The following NIN variants were observed in gnomAD, a reference collection of about 807,000 sequenced individuals.
NIN encodes ninein.
In NIN, 137 loss-of-function variants were observed where a neutral mutation model predicts 257.6. The observed-to-expected ratio is 0.53, with a 90% confidence interval of 0.46 to 0.61. The LOEUF is 0.61. Ranked by LOEUF, NIN falls within the 20% of genes least tolerant of loss-of-function variation. The pLI, the probability that NIN is intolerant of heterozygous loss-of-function variation, is 0.00. For synonymous variants in NIN, 918 were observed against 919.8 expected, an observed-to-expected ratio of 1.00 and a Z score of 0.04; for missense variants, 2,439 against 2,501.2, an observed-to-expected ratio of 0.98 and a Z score of 0.53.
intron 5 of NIN, among the ~76,000 whole-genome samples, chr14:50,783,410 C>T (rs1160701701): frequency 6.6e-6 from 1 of 152,096 alleles, no homozygotes; most frequent in Non-Finnish European, 1.5e-5. Flanking sequence ...AGAATTCCCC[C>T]TAGGACCCTT....
intron 4 of NIN, among the ~76,000 whole-genome samples, chr14:50,798,657 T>C (rs1029713588): frequency 2.0e-5 from 3 of 152,252 alleles, no homozygotes; most frequent in Non-Finnish European, 2.9e-5. Context: ...TTTTACCTAA[T>C]TGAACCCTCC....
chr14:50,739,326 G>A lies in NIN; in HGVS notation c.5610C>T (p.Leu1870=), dbSNP rs1238784792. ...CAATTACCTTCTCCCGGGAGTGCGT[G>A]AGTTCGGCTTTGGTGTTCTGTACCA... is the stretch of plus-strand genomic sequence containing the variant. ...QTMVQNTKAE[L]THSREKVRQL... Residue 1870 remains leucine (L), a synonymous_variant, in exon 26 of 31, where the codon CTC becomes CTT. Transcript: ENST00000530997. The A allele has an allele frequency of 6.2e-6, 10 of 1,614,130 alleles. No homozygotes were observed. The highest frequency in any genetic ancestry group is 8.5e-6 in the Non-Finnish European group (10 of 1,179,998).
intron 4 of NIN, among the ~76,000 whole-genome samples, chr14:50,796,515 G>A (rs1284003155): frequency 6.6e-6 from 1 of 152,152 alleles, no homozygotes; most frequent in Non-Finnish European, 1.5e-5. Context: ...TTGCTCACAC[G>A]CCACATTTGT....
At chr14:50,727,313 T>C (rs1036226197) in intron 29 of NIN, 8 of 983,522 alleles carry the variant, frequency 8.1e-6, no homozygotes, top group Non-Finnish European at 9.8e-6. Flanking sequence ...ACAGTATAAA[T>C]ACCCCTGGTT....
rs2042198597 is a variant in NIN, at chr14:50,759,708, C to T, written c.2399+149G>A. 2.0e-5 allele frequency: 16 copies of T among 783,732 alleles called. No individual in the cohort carries two copies. In the South Asian group the frequency reaches 2.8e-4, roughly 14 times the overall value. 48.5% of individuals were successfully genotyped at this position (783,732 alleles called of 1,614,324 possible). A position where few individuals can be genotyped will look rare whatever the true frequency, so the allele number is the denominator to read the frequency against. On this transcript the variant is annotated intron_variant, in intron 17 of 30. Coordinates refer to ENST00000530997, the MANE Select transcript of NIN (RefSeq NM_020921.4). Reference sequence around the variant, plus strand: ...CGGGGTTTCACCATGTTAGCCAGGTCTCGATCTCCTGACCTCGTGATCCGC... The same window carrying T: ...CGGGGTTTCACCATGTTAGCCAGGTTTCGATCTCCTGACCTCGTGATCCGC...
At chr14:50,743,586 T>A in intron 23 of NIN, 57 bp from the exon 24 acceptor site, 1 of 958,562 alleles carries the variant, frequency 1.0e-6, no homozygotes, top group Non-Finnish European at 1.7e-6. Context: ...TAGCTAGCCT[T>A]AATTTATATG....
At chr14:50,744,663 G>C (rs1042409389) in intron 22 of NIN, among the ~76,000 whole-genome samples, 1 of 152,154 alleles carries the variant, frequency 6.6e-6, no homozygotes, top group Admixed American at 6.5e-5. Context: ...ATTGGGCTGT[G>C]GGGGTGGCTC....
At position 50,757,517 on chromosome 14, in the gene NIN, C is replaced by T. The variant is rs1420391662; in HGVS notation, c.3513G>A (p.Glu1171=). The part of the protein sequence containing the change: ...SSVQRQEVKI[E]ESEASVEGFS... ...AACCCTCTACTGAAGCTTCAGACTC[C>T]TCTATTTTGACTTCCTGTCTCTGAA... Residue 1171 remains glutamate, a synonymous_variant, in exon 18 of 31, where the codon GAG becomes GAA. Transcript: ENST00000530997. 1 of 1,613,912 alleles carries T rather than the reference C, an allele frequency of 6.2e-7. No homozygotes were observed. Among genetic ancestry groups the T allele is most frequent in the African/African-American group, 1.3e-5 (1 of 74,878 alleles).
chr14:50,793,175 G>A (rs578177106), intron 4 of NIN, among the ~76,000 whole-genome samples: 11 of 152,120 alleles, frequency 7.2e-5, no homozygotes, highest in Non-Finnish European at 1.5e-4. Flanking sequence ...GAAAAGGTGA[G>A]GGGTCACATT....
chr14:50,780,403 A>C (rs1595855941), intron 5 of NIN, among the ~76,000 whole-genome samples: 1 of 152,354 alleles, frequency 6.6e-6, no homozygotes, highest in South Asian at 2.1e-4. Context: ...ACTCGACAGG[A>C]AAGTCAGCCT....
Position 50,738,024 on chromosome 14 carries a change from C to A in NIN, c.5775+116G>T. On this transcript the variant is annotated intron_variant, in intron 27 of 30. Transcript: ENST00000530997. ...GACAAGATAACAGCATAAAGAGATACATGCCAAAATATGCCATCGTAATCA... is the reference window on the plus strand; with the variant it reads ...GACAAGATAACAGCATAAAGAGATAAATGCCAAAATATGCCATCGTAATCA... The A allele has an allele frequency of 6.9e-6, 7 of 1,007,846 alleles. No homozygotes were observed. The South Asian group carries it at 1.2e-4, about 17-fold the overall frequency. The allele number at this position is 1,007,846 out of a possible 1,614,324, so 62.4% of individuals were successfully genotyped here. A position where few individuals can be genotyped will look rare whatever the true frequency, so the allele number is the denominator to read the frequency against.
intron 28 of NIN, 67 bp from the exon 29 acceptor site, chr14:50,729,790 T>G: frequency 8.0e-7 from 1 of 1,249,414 alleles, no homozygotes. Flanking sequence ...CTTTATGGTG[T>G]CAGGCAGTGA....
chr14:50,726,599 T>C (rs1180159708), intron 29 of NIN, among the ~76,000 whole-genome samples: 2 of 152,242 alleles, frequency 1.3e-5, no homozygotes, highest in African/African-American at 4.8e-5. Flanking sequence ...TGCCAATTTT[T>C]CTAGTCATCT....
At chr14:50,811,372 G>A (rs553034226) in intron 3 of NIN, among the ~76,000 whole-genome samples, 33 of 151,984 alleles carry the variant, frequency 2.2e-4, no homozygotes, top group African/African-American at 7.7e-4. Context: ...GCCTCCCAAA[G>A]TGTTGGGATT....
rs1175345597 is a variant in NIN at position 50,741,693 on chromosome 14, G to A, written c.5337C>T (p.Asn1779=). ...QNLEDTVQNV[N]LQMSRMKSDL... ...CAGATTTCATCCGGGACATTTGCAG[G>A]TTTACATTCTGCACGGTGTCTTCTA... The change falls in exon 25 of 31, where the codon AAC becomes AAT. Residue 1779 remains asparagine (N), a synonymous_variant. Transcript: ENST00000530997. 1 of 1,613,768 alleles carries A rather than the reference G, an allele frequency of 6.2e-7. No individual in the cohort carries two copies. The highest frequency in any genetic ancestry group is 1.7e-5 in the Admixed American group (1 of 59,990).
Position 50,752,668 on chromosome 14 carries a change from G to A in NIN, c.4800C>T (p.Asn1600=), listed in dbSNP as rs753340877. ...CTTGCAGTTTTTCCTGGTTTTGAGA[G>A]TTCTTTTGGCTAAGTTCTGTATTTT... ...DLENTELSQK[N]SQNQEKLQEL... is the part of the protein sequence containing the mutation. The change falls in exon 21 of 31, where the codon AAC becomes AAT. Residue 1600 remains asparagine, a synonymous_variant. Coordinates refer to ENST00000530997, the MANE Select transcript of NIN (RefSeq NM_020921.4). The A allele has an allele frequency of 6.2e-7, 1 of 1,612,770 alleles. No individual in the cohort carries two copies. The highest frequency in any genetic ancestry group is 1.3e-5 in the African/African-American group (1 of 74,702).
chr14:50,766,176 AT>A, intron 14 of NIN, 130 bp downstream of exon 14: 1 of 677,942 alleles, frequency 1.5e-6, no homozygotes. Flanking sequence ...TATTTTTACC[AT>A]TTTATGCATG....
intron 22 of NIN, 63 bp downstream of exon 22, chr14:50,747,929 C>G (rs1006364920): frequency 8.2e-5 from 89 of 1,083,058 alleles, no homozygotes; most frequent in Non-Finnish European, 1.1e-4. Flanking sequence ...AAATACCAGC[C>G]CAACAGGAGC....
At position 50,764,586 on chromosome 14, in the gene NIN, C is replaced by T. The variant is rs776191291; in HGVS notation, c.1636-622G>A. On this transcript the variant is annotated intron_variant, in intron 14 of 30. Coordinates refer to ENST00000530997, the MANE Select transcript of NIN (RefSeq NM_020921.4). Reference sequence around the variant, plus strand: ...CAAAATCCCCCAAATGTCCCTTAACCGGTGAATTAATAAACAAAATGTGGT... The same window carrying T: ...CAAAATCCCCCAAATGTCCCTTAACTGGTGAATTAATAAACAAAATGTGGT... 5.3e-5 allele frequency among the ~76,000 whole-genome samples: 8 copies of T among 152,054 alleles called. No individual in the cohort carries two copies. The South Asian group carries it at 1.0e-3, about 20-fold the overall frequency.
Sources: gnomAD v4.1 joint callset for allele counts (sites outside exome capture counted in the v4.1 genomes callset) on GRCh38, gnomAD v4.1.1 for gene constraint, MANE v1.5 for transcripts, NCBI Gene and HGNC (gene_info 2026-07-23, HGNC 2026-07-21) for gene names.